Variants in TENM2 observed in about 807,000 individuals in gnomAD.
The protein encoded by TENM2 is teneurin-2.
Under a neutral mutation model 245.2 loss-of-function variants are expected in TENM2, and 52 were observed. The ratio of observed to expected loss-of-function variants is 0.21; its 90% CI spans 0.17 to 0.27. TENM2 has a LOEUF of 0.27. TENM2 is among the 10% of genes least tolerant of loss of function. TENM2 has a pLI of 1.00. For synonymous variants in TENM2, 1,363 were observed against 1,438.9 expected (o/e 0.95, Z 1.19); for missense variants, 3,046 against 3,666.8 (o/e 0.83, Z 4.37).
At chr5:167,082,334 G>T in the TENM2 span, among the ~76,000 whole-genome samples, 1 of 151,768 alleles carries the variant, frequency 6.6e-6, no homozygotes, top group African/African-American at 2.4e-5. Context: ...GCTCAGGTTG[G>T]AGTGCAGTGG....
At chr5:168,065,863 T>A (rs991980069) in intron 7 of TENM2, among the ~76,000 whole-genome samples, 5 of 151,890 alleles carry the variant, frequency 3.3e-5, no homozygotes, top group African/African-American at 1.2e-4. Context: ...GGTTTTTTTT[T>A]TTTTCTTGTT....
chr5:167,030,843 T>G, the TENM2 span, among the ~76,000 whole-genome samples: 6 of 152,158 alleles, frequency 3.9e-5, no homozygotes, highest in Non-Finnish European at 8.8e-5. Flanking sequence ...CCCCTGTTAT[T>G]TACCACCTCT....
At chr5:167,234,907 T>C in the TENM2 span, among the ~76,000 whole-genome samples, 1 of 152,224 alleles carries the variant, frequency 6.6e-6, no homozygotes, top group Non-Finnish European at 1.5e-5. Context: ...TTCCAGTGTA[T>C]GACTGCTTCT....
At chr5:167,146,518 C>A in the TENM2 span, among the ~76,000 whole-genome samples, 3 of 152,048 alleles carry the variant, frequency 2.0e-5, no homozygotes, top group Non-Finnish European at 4.4e-5. Flanking sequence ...AAGTACTCTG[C>A]GGAGTGGAAA....
chr5:167,017,160 C>A, the TENM2 span, among the ~76,000 whole-genome samples: 1 of 152,174 alleles, frequency 6.6e-6, no homozygotes, highest in Non-Finnish European at 1.5e-5. Flanking sequence ...GGGTAAAAAT[C>A]TGTCCTTTGA....
At chr5:167,735,350 C>T (rs1760723008) in intron 2 of TENM2, among the ~76,000 whole-genome samples, 1 of 152,196 alleles carries the variant, frequency 6.6e-6, no homozygotes, top group Non-Finnish European at 1.5e-5. Flanking sequence ...ACTAAAATGT[C>T]AAGTTGCTTC....
the TENM2 span, among the ~76,000 whole-genome samples, chr5:167,169,661 C>T: frequency 1.3e-5 from 2 of 152,250 alleles, no homozygotes; most frequent in African/African-American, 2.4e-5. Flanking sequence ...TGAAATTCCA[C>T]TTGCCCATGC....
At chr5:167,790,213 G>A (rs1764853365) in intron 2 of TENM2, among the ~76,000 whole-genome samples, 1 of 152,114 alleles carries the variant, frequency 6.6e-6, no homozygotes, top group Non-Finnish European at 1.5e-5. Flanking sequence ...ATTGATGGCA[G>A]AATACGGTCT....
chr5:167,539,936 T>G (rs982079259), intron 2 of TENM2, among the ~76,000 whole-genome samples: 1 of 152,220 alleles, frequency 6.6e-6, no homozygotes, highest in Admixed American at 6.5e-5. Context: ...CAGACGCTAA[T>G]TAGCAAATAT....
intron 2 of TENM2, among the ~76,000 whole-genome samples, chr5:167,498,731 A>G (rs1232088338): frequency 1.3e-5 from 2 of 151,970 alleles, no homozygotes; most frequent in Non-Finnish European, 2.9e-5. Context: ...CAAAACATGA[A>G]TTAAGAAAAA....
At chr5:167,613,317 A>G (rs1777591344) in intron 2 of TENM2, among the ~76,000 whole-genome samples, 1 of 151,870 alleles carries the variant, frequency 6.6e-6, no homozygotes, top group African/African-American at 2.4e-5. Context: ...TAAATCTGTT[A>G]TCATCACAAA....
At chr5:167,728,253 G>A (rs993703255) in intron 2 of TENM2, among the ~76,000 whole-genome samples, 2 of 152,014 alleles carry the variant, frequency 1.3e-5, no homozygotes, top group African/African-American at 4.8e-5. Flanking sequence ...CCTTCATTTT[G>A]TCTAGGTCCT....
chr5:167,630,776 C>T (rs1778813747), intron 2 of TENM2, among the ~76,000 whole-genome samples: 1 of 152,180 alleles, frequency 6.6e-6, no homozygotes, highest in African/African-American at 2.4e-5. Flanking sequence ...TGTCACTACT[C>T]AGAAGGGAAA....
intron 25 of TENM2, among the ~76,000 whole-genome samples, chr5:168,238,299 G>GAA (rs1380894083): frequency 2.8e-5 from 4 of 143,232 alleles, no homozygotes; most frequent in South Asian, 4.4e-4. Flanking sequence ...GAAAAGAAAA[G>GAA]AAAAAATCCC....
Position 168,049,301 on chromosome 5 carries a change from A to G in TENM2, c.1309+1752A>G, listed in dbSNP as rs185494323. Among the ~76,000 whole-genome samples, 11 of 152,320 alleles carry G rather than the reference A, an allele frequency of 7.2e-5. No homozygotes were observed. In the East Asian group the frequency reaches 2.1e-3, roughly 29 times the overall value. On this transcript the variant is annotated intron_variant, in intron 6 of 28. Coordinates refer to ENST00000518659, the Ensembl canonical transcript of TENM2. The stretch of plus-strand genomic sequence containing the variant: ...AACTCCACTTTATGGGGTCTCCGTC[A>G]CGTTTTATCCATAAATGTCCTTTAA...
chr5:168,010,105 T>C (rs1168368263), intron 5 of TENM2, among the ~76,000 whole-genome samples: 1 of 152,230 alleles, frequency 6.6e-6, no homozygotes, highest in Non-Finnish European at 1.5e-5. Context: ...GAAGAATTAA[T>C]TTTGGAGTGC....
the TENM2 span, among the ~76,000 whole-genome samples, chr5:167,143,677 T>G: frequency 6.6e-6 from 1 of 152,166 alleles, no homozygotes; most frequent in Non-Finnish European, 1.5e-5. Context: ...TTGCAAATAG[T>G]TTTTAGAACA....
chr5:167,869,656 C>CATTGT (rs1772641919), intron 2 of TENM2, among the ~76,000 whole-genome samples: 1 of 152,224 alleles, frequency 6.6e-6, no homozygotes, highest in Admixed American at 6.5e-5. Context: ...AGCTTCTGCA[C>CATTGT]TAGCAGGCCT....
At chr5:167,958,590 T>G (rs1780744070) in intron 4 of TENM2, among the ~76,000 whole-genome samples, 1 of 152,192 alleles carries the variant, frequency 6.6e-6, no homozygotes, top group East Asian at 1.9e-4. Flanking sequence ...TCTTTACAAT[T>G]TGGTATGTTT....
Sources: gnomAD v4.1 joint callset for allele counts (sites outside exome capture counted in the v4.1 genomes callset) on GRCh38, gnomAD v4.1.1 for gene constraint, MANE v1.5 for transcripts, NCBI Gene and HGNC (gene_info 2026-07-23, HGNC 2026-07-21) for gene names.